The following SHANK2 variants were observed in gnomAD, a reference collection of about 807,000 sequenced individuals.
SHANK2 encodes SH3 and multiple ankyrin repeat domains protein 2.
In SHANK2, 43 loss-of-function variants were observed where a neutral mutation model predicts 133.7. The observed-to-expected ratio is 0.32, with a 90% CI of 0.25 to 0.41. The LOEUF is 0.41. SHANK2 is among the 10% of genes least tolerant of loss of function. SHANK2 has a pLI of 1.00. For missense variants in SHANK2, 1,994 were observed against 2,235.8 expected (o/e 0.89, Z 2.18); for synonymous variants, 1,017 against 952.8 (o/e 1.07, Z -1.24).
In SHANK2 at chr11:70,485,426, C is replaced by T. The variant is rs1555152768; in HGVS notation, c.4867G>A (p.Val1623Ile). The T allele has an allele frequency of 3.7e-6, 6 of 1,614,050 alleles. No homozygotes were observed. In the South Asian group the frequency reaches 4.4e-5, roughly 12 times the overall value. Residue 1623 changes from valine (V) to isoleucine (I), a missense_variant, in exon 25 of 26, where the codon GTT (valine) becomes ATT (isoleucine). Coordinates refer to ENST00000601538, the MANE Select transcript of SHANK2 (RefSeq NM_012309.5). The surrounding 1 kb of genome is among the most constrained non-coding windows in gnomAD (Gnocchi z 5.8). Reference protein sequence around the residue: ...SPILSGPKANVISELNSILQQ... With the variant: ...SPILSGPKANIISELNSILQQ... ...AGGATAGAGTTCAATTCACTAATAACGTTTGCCTTTGGGCCTGAGAGAATC... is the reference window on the plus strand; with the variant it reads ...AGGATAGAGTTCAATTCACTAATAATGTTTGCCTTTGGGCCTGAGAGAATC...
rs576354640 is a variant in SHANK2 at position 70,900,329 on chromosome 11, G to A, written c.1108-3762C>T. On this transcript the variant is annotated intron_variant, in intron 10 of 25. Coordinates refer to ENST00000601538, the MANE Select transcript of SHANK2 (RefSeq NM_012309.5). ...AGATCGTGCCACTGCACTCCAGCTCGGTGACACAGCGAGACTCGGTGTCAA... is the reference window on the plus strand; with the variant it reads ...AGATCGTGCCACTGCACTCCAGCTCAGTGACACAGCGAGACTCGGTGTCAA... Among the ~76,000 whole-genome samples the A allele has an allele frequency of 3.7e-4, 56 of 152,092 alleles. No homozygotes were observed. In the East Asian group the frequency reaches 6.0e-3, roughly 16 times the overall value.
intron 3 of SHANK2, among the ~76,000 whole-genome samples, chr11:71,142,234 C>T (rs533604633): frequency 6.6e-6 from 1 of 152,330 alleles, no homozygotes; most frequent in East Asian, 1.9e-4. Flanking sequence ...CGCGGTGGCT[C>T]ACGCCTATGT....
intron 21 of SHANK2, among the ~76,000 whole-genome samples, chr11:70,499,553 CAGTT>C (rs1190229898): frequency 2.6e-5 from 4 of 152,242 alleles, no homozygotes; most frequent in Admixed American, 6.5e-5. Flanking sequence ...GCATCTTCCT[CAGTT>C]AGGTGATGAA....
At chr11:70,701,201 AC>A (rs1945511277) in intron 14 of SHANK2, among the ~76,000 whole-genome samples, 1 of 152,054 alleles carries the variant, frequency 6.6e-6, no homozygotes, top group Non-Finnish European at 1.5e-5. Context: ...AGAAAAAAAG[AC>A]TATTTCAGTA....
rs974154773 is a variant in SHANK2, at chr11:71,056,487, T to G, written c.1101A>C (p.Pro367=). 1.8e-3 allele frequency: 279 copies of G among 152,318 alleles called. 3 individuals carry two copies. The highest frequency in any genetic ancestry group is 5.4e-3 in the African/African-American group (225 of 41,564). The allele number at this position is 152,318 out of a possible 1,614,324, so 9.4% of individuals were successfully genotyped here. A position where few individuals can be genotyped will look rare whatever the true frequency, so the allele number is the denominator to read the frequency against. Residue 367 remains proline, a synonymous_variant, in exon 10 of 26, where the codon CCA becomes CCC. Transcript: ENST00000601538. ...KELKNYNSQT[P]FQVAIIAGNF... ...ATGCTGAGATCTCTTTTACCTGAAA[T>G]GGAGTCTGGCTGTTGTAGTTTTTTA... is the stretch of plus-strand genomic sequence containing the variant.
At chr11:71,152,075 A>AC (rs1208002846) in intron 2 of SHANK2, among the ~76,000 whole-genome samples, 1 of 133,800 alleles carries the variant, frequency 7.5e-6, no homozygotes, top group Non-Finnish European at 1.6e-5. Flanking sequence ...GTCAGATTTG[A>AC]CAAAAAAAAC....
chr11:71,055,900 G>A (rs1164328280), intron 10 of SHANK2, among the ~76,000 whole-genome samples: 1 of 151,198 alleles, frequency 6.6e-6, no homozygotes, highest in Non-Finnish European at 1.5e-5. Context: ...ACAGCATCAT[G>A]AATATTCTTA....
chr11:70,532,610 C>T (rs1489580772), intron 17 of SHANK2, among the ~76,000 whole-genome samples: 2 of 151,436 alleles, frequency 1.3e-5, no homozygotes, highest in Non-Finnish European at 2.9e-5. Flanking sequence ...ACAGTGAAGC[C>T]AGCTCCCAAT....
At chr11:71,181,858 G>A (rs1282179088) in intron 2 of SHANK2, among the ~76,000 whole-genome samples, 1 of 133,960 alleles carries the variant, frequency 7.5e-6, no homozygotes, top group Admixed American at 7.8e-5. Flanking sequence ...TACTGAATCC[G>A]AATCTCCAGG....
At position 71,252,289 on chromosome 11, in the gene SHANK2, G is replaced by A. The variant is rs1424355462; in HGVS notation, c.-113+136C>T. 5 of 152,462 alleles carry A rather than the reference G, an allele frequency of 3.3e-5. No homozygotes were observed. Among genetic ancestry groups the A allele is most frequent in the Non-Finnish European group, 7.3e-5 (5 of 68,270 alleles). The allele number at this position is 152,462 out of a possible 1,614,324, so 9.4% of individuals were successfully genotyped here. ...ACCTCTCCAGCCTCTCTGGGTCCAG[G>A]ACTGCGCTTACCCGGTAGTTGGTGC... On this transcript the variant is annotated intron_variant, in intron 1 of 25. Transcript: ENST00000601538. The surrounding 1 kb of genome is among the most constrained non-coding windows in gnomAD (Gnocchi z 6.3).
intron 3 of SHANK2, among the ~76,000 whole-genome samples, chr11:71,125,369 G>A (rs1332677232): frequency 2.6e-5 from 4 of 152,202 alleles, no homozygotes; most frequent in Admixed American, 6.5e-5. Flanking sequence ...GAAATTAGAA[G>A]GGCCACTCCA....
chr11:70,780,219 T>A (rs1947452205), intron 14 of SHANK2, among the ~76,000 whole-genome samples: 3 of 152,054 alleles, frequency 2.0e-5, no homozygotes, highest in African/African-American at 7.2e-5. Context: ...GGGACAGGGG[T>A]TGGAGGGAGC....
intron 17 of SHANK2, among the ~76,000 whole-genome samples, chr11:70,602,477 C>T (rs929195539): frequency 1.3e-5 from 2 of 152,188 alleles, no homozygotes; most frequent in Non-Finnish European, 2.9e-5. Flanking sequence ...TTTACAGCCC[C>T]CCAAACCAGG....
At chr11:70,721,187 C>A (rs1460863683) in intron 14 of SHANK2, among the ~76,000 whole-genome samples, 1 of 152,218 alleles carries the variant, frequency 6.6e-6, no homozygotes, top group Admixed American at 6.5e-5. Context: ...CTCTGCTGCT[C>A]CTTCCCGAAA....
chr11:70,750,681 A>G (rs957234398), intron 14 of SHANK2, among the ~76,000 whole-genome samples: 8 of 152,278 alleles, frequency 5.3e-5, no homozygotes, highest in African/African-American at 1.7e-4. Context: ...CTCAGCTCCA[A>G]GTTGTGCACA....
rs1945266072 is a variant in SHANK2, at chr11:70,690,619, C to T, written c.1853+8069G>A. Among the ~76,000 whole-genome samples the T allele has an allele frequency of 2.7e-5, 4 of 146,296 alleles. No homozygotes were observed. The South Asian group carries it at 6.4e-4, about 24-fold the overall frequency. Reference sequence around the variant, plus strand: ...ACAGATGTGAACCACTGTGCTCACCCTCCACTGTTTTTTAACTTCTGAGTC... The same window carrying T: ...ACAGATGTGAACCACTGTGCTCACCTTCCACTGTTTTTTAACTTCTGAGTC... On this transcript the variant is annotated intron_variant, in intron 15 of 25. Coordinates refer to ENST00000601538, the MANE Select transcript of SHANK2 (RefSeq NM_012309.5).
chr11:70,819,217 C>A (rs1555055180), intron 12 of SHANK2, among the ~76,000 whole-genome samples: 1 of 152,270 alleles, frequency 6.6e-6, no homozygotes, highest in East Asian at 1.9e-4. Flanking sequence ...TGCCAAGTCA[C>A]CAGATGCCAG....
rs190876176 is a variant in SHANK2, at chr11:70,815,477, C to T, written c.1493+4887G>A. Among the ~76,000 whole-genome samples, 19 of 152,264 alleles carry T rather than the reference C, an allele frequency of 1.2e-4. No homozygotes were observed. The East Asian group carries it at 1.5e-3, about 12-fold the overall frequency. On this transcript the variant is annotated intron_variant, in intron 12 of 25. Coordinates refer to ENST00000601538, the MANE Select transcript of SHANK2 (RefSeq NM_012309.5). ...TCCACTAACAGCCCTCACCTCCCAG[C>T]GGACACTCACCATCCACAGATCGGC...
chr11:71,127,755 A>T (rs1555103020), intron 3 of SHANK2, among the ~76,000 whole-genome samples: 1 of 152,242 alleles, frequency 6.6e-6, no homozygotes, highest in African/African-American at 2.4e-5. Context: ...TGTGTGCCTC[A>T]TTTTATTGCA....
Sources: gnomAD v4.1 joint callset for allele counts (sites outside exome capture counted in the v4.1 genomes callset) on GRCh38, gnomAD v4.1.1 for gene constraint, Gnocchi (gnomAD v3.1) non-coding constraint, MANE v1.5 for transcripts, NCBI Gene and HGNC (gene_info 2026-07-23, HGNC 2026-07-21) for gene names.